ASTN2: variants seen among roughly 807,000 people sequenced by gnomAD.
ASTN2 encodes the protein astrotactin-2.
A neutral mutation model predicts 139.8 loss-of-function variants in ASTN2; 54 were observed. The observed-to-expected ratio is 0.39, with a 90% confidence interval of 0.31 to 0.48. The LOEUF (loss-of-function observed/expected upper bound fraction) is 0.48, where lower values mean the gene tolerates loss of function less well. Among genes scored for constraint, ASTN2 ranks in the 20% least tolerant of loss-of-function variants. ASTN2 has a pLI of 0.95. For missense variants in ASTN2, 1,565 were observed against 1,725.1 expected (o/e 0.91, Z 1.64); for synonymous variants, 756 against 719.5 (o/e 1.05, Z -0.81).
chr9:116,896,259 C>T (rs2132396463), intron 10 of ASTN2, among the ~76,000 whole-genome samples: 1 of 152,238 alleles, frequency 6.6e-6, no homozygotes, highest in African/African-American at 2.4e-5. Context: ...GGAAAGCAAA[C>T]AAGGGTGTAT....
intron 1 of ASTN2, among the ~76,000 whole-genome samples, chr9:117,388,568 T>C (rs962874348): frequency 6.6e-6 from 1 of 152,202 alleles, no homozygotes; most frequent in African/African-American, 2.4e-5. Context: ...TATTTGGATA[T>C]TTCTTAAATA....
Position 117,214,631 on chromosome 9 carries a change from C to T in ASTN2, c.742G>A (p.Ala248Thr). The change falls in exon 3 of 23, where the codon GCC (alanine) becomes ACC (threonine). Residue 248 changes from alanine to threonine, a missense_variant. Around this residue, in one of 4 missense-constraint regions of ASTN2, gnomAD observed 596 missense variants for 576.8 expected, o/e 1.03. Coordinates refer to ENST00000313400, the MANE Select transcript of ASTN2 (RefSeq NM_001365068.1). ...GGGATGTAGTGGATCTCATGAGTGG[C>T]TTCTGTGCTTGCGCTCTTCTGGGGG... ...RIPQKSASTEATHEIHYIPSV... is the reference protein window; with the variant it reads ...RIPQKSASTETTHEIHYIPSV... 1 of 1,583,186 alleles carries T rather than the reference C, an allele frequency of 6.3e-7. No individual in the cohort carries two copies. The highest frequency in any genetic ancestry group is 2.3e-5 in the East Asian group (1 of 44,204).
chr9:116,520,474 C>CA (rs1850820929), intron 19 of ASTN2, among the ~76,000 whole-genome samples: 2 of 151,930 alleles, frequency 1.3e-5, no homozygotes, highest in African/African-American at 4.8e-5. Context: ...AAACTCTCAG[C>CA]AAAATCGGCA....
chr9:116,967,339 T>A (rs1836041767), intron 10 of ASTN2, among the ~76,000 whole-genome samples: 1 of 152,196 alleles, frequency 6.6e-6, no homozygotes. Flanking sequence ...GACTAAGCAG[T>A]TTGGCTCCAG....
chr9:116,834,483 G>A (rs10759866), intron 11 of ASTN2, among the ~76,000 whole-genome samples: 36,087 of 152,036 alleles, frequency 0.24, 4,918 homozygotes, highest in East Asian at 0.5. Context: ...GTTGTTTGAT[G>A]CATAAACATT....
intron 17 of ASTN2, among the ~76,000 whole-genome samples, chr9:116,620,790 C>T (rs142007781): frequency 3.3e-5 from 5 of 152,280 alleles, no homozygotes; most frequent in African/African-American, 1.2e-4. Flanking sequence ...AGTTGGAAAA[C>T]TGAAGCACAC....
intron 20 of ASTN2, among the ~76,000 whole-genome samples, chr9:116,466,335 C>T (rs568805317): frequency 6.6e-6 from 1 of 152,328 alleles, no homozygotes; most frequent in Non-Finnish European, 1.5e-5. Context: ...TCTCTAGCTT[C>T]TTGGCCAGTC....
chr9:116,821,725 A>G (rs1831489197), intron 11 of ASTN2, among the ~76,000 whole-genome samples: 1 of 151,986 alleles, frequency 6.6e-6, no homozygotes, highest in African/African-American at 2.4e-5. Flanking sequence ...AGCCCTCCCC[A>G]TAGCCCTCTG....
intron 16 of ASTN2, among the ~76,000 whole-genome samples, chr9:116,708,737 G>A (rs1828062018): frequency 6.6e-6 from 1 of 152,130 alleles, no homozygotes; most frequent in South Asian, 2.1e-4. Flanking sequence ...GCCAGAAACA[G>A]CATTCGCAAT....
At chr9:117,319,441 T>C (rs1207054613) in intron 1 of ASTN2, among the ~76,000 whole-genome samples, 1 of 152,200 alleles carries the variant, frequency 6.6e-6, no homozygotes, top group Non-Finnish European at 1.5e-5. Flanking sequence ...TTATTTTTCT[T>C]TTTTTGAGAC....
Position 116,619,651 on chromosome 9 carries a change from G to A in ASTN2, c.3206+659C>T, listed in dbSNP as rs549849443. Among the ~76,000 whole-genome samples, 18 of 149,882 alleles carry A rather than the reference G, an allele frequency of 1.2e-4. No individual in the cohort carries two copies. The South Asian group carries it at 3.6e-3, about 30-fold the overall frequency. On this transcript the variant is annotated intron_variant, in intron 18 of 22. Transcript: ENST00000313400. ...AGATCCTACCACCTCAGCCTCCATAGTAGCTGGGACTACAGGCATGTGCCA... is the reference window on the plus strand; with the variant it reads ...AGATCCTACCACCTCAGCCTCCATAATAGCTGGGACTACAGGCATGTGCCA...
At chr9:116,789,581 A>G (rs1830477786) in intron 13 of ASTN2, among the ~76,000 whole-genome samples, 1 of 152,216 alleles carries the variant, frequency 6.6e-6, no homozygotes, top group South Asian at 2.1e-4. Context: ...ATAAACTGTG[A>G]TCATATCTTT....
At chr9:116,530,131 A>T (rs1413207727) in intron 19 of ASTN2, among the ~76,000 whole-genome samples, 3 of 29,362 alleles carry the variant, frequency 1.0e-4, no homozygotes, top group African/African-American at 3.7e-4. Context: ...ATATATATAT[A>T]TATATATATA....
At chr9:116,484,380 G>T (rs907127968) in intron 20 of ASTN2, among the ~76,000 whole-genome samples, 19 of 152,330 alleles carry the variant, frequency 1.2e-4, no homozygotes, top group African/African-American at 4.6e-4. Flanking sequence ...GGCAGGTTAT[G>T]AGCATGAGGC....
chr9:116,867,549 C>CAAAAAAA (rs58222492), intron 10 of ASTN2, among the ~76,000 whole-genome samples: 2 of 78,312 alleles, frequency 2.6e-5, no homozygotes, highest in Non-Finnish European at 2.3e-5. Context: ...GACTCTGTCT[C>CAAAAAAA]AAAAAAAAAA....
chr9:116,718,630 T>C (rs1828379719), intron 16 of ASTN2, among the ~76,000 whole-genome samples: 1 of 152,110 alleles, frequency 6.6e-6, no homozygotes, highest in South Asian at 2.1e-4. Context: ...TGAGTGGACT[T>C]AAACCAGTAA....
rs564561729 is a variant in ASTN2 at position 117,285,301 on chromosome 9, A to C, written c.630+6025T>G. On this transcript the variant is annotated intron_variant, in intron 2 of 22. Coordinates refer to ENST00000313400, the MANE Select transcript of ASTN2 (RefSeq NM_001365068.1). ...AAAAAGCTTTTTTTTTTTTTTTTCTATCTCTTTTTTTTCTAGCAGATAGGC... is the reference window on the plus strand; with the variant it reads ...AAAAAGCTTTTTTTTTTTTTTTTCTCTCTCTTTTTTTTCTAGCAGATAGGC... 7.9e-4 allele frequency among the ~76,000 whole-genome samples: 62 copies of C among 78,578 alleles called. 1 individual carries two copies. The highest frequency in any genetic ancestry group is 2.8e-3 in the African/African-American group (59 of 21,306). The allele number at this position is 78,578 out of a possible 152,430, so 51.6% of individuals were successfully genotyped here.
intron 2 of ASTN2, among the ~76,000 whole-genome samples, chr9:117,281,789 C>G (rs1834331394): frequency 6.6e-6 from 1 of 152,128 alleles, no homozygotes. Context: ...CTGTTGCAAT[C>G]CAGTCCACCC....
At chr9:116,439,399 ACCG>A (rs1847771468) in intron 22 of ASTN2, among the ~76,000 whole-genome samples, 3 of 138,608 alleles carry the variant, frequency 2.2e-5, no homozygotes, top group South Asian at 6.6e-4. Flanking sequence ...ACGGGGTTTC[ACCG>A]TTTTAGCCGG....
Sources: gnomAD v4.1 joint callset for allele counts (sites outside exome capture counted in the v4.1 genomes callset) on GRCh38, gnomAD v4.1.1 for gene constraint, gnomAD v4.1.1 regional missense constraint, MANE v1.5 for transcripts, NCBI Gene and HGNC (gene_info 2026-07-23, HGNC 2026-07-21) for gene names.